The following CEP162 variants were observed in gnomAD, a reference collection of about 807,000 sequenced individuals.
CEP162 encodes centrosomal protein of 162 kDa.
Under a neutral mutation model 169.2 loss-of-function variants are expected in CEP162, and 141 were observed. The observed-to-expected ratio is 0.83, with a 90% confidence interval of 0.73 to 0.96. The LOEUF (loss-of-function observed/expected upper bound fraction) is 0.96. Ranked by LOEUF, CEP162 falls within the 40% of genes least tolerant of loss-of-function variation. The pLI, the probability that CEP162 is intolerant of heterozygous loss-of-function variation, is 0.00. For missense variants in CEP162, 1,600 were observed against 1,587.2 expected, an observed-to-expected ratio of 1.01 and a Z score of -0.14; for synonymous variants, 540 against 526.4, an observed-to-expected ratio of 1.03 and a Z score of -0.35.
rs1401585013 is a variant in CEP162, at chr6:84,226,369, G to T, written c.25C>A (p.Leu9Ile). 1.9e-6 allele frequency: 3 copies of T among 1,568,226 alleles called. No individual in the cohort carries two copies. The highest frequency in any genetic ancestry group is 2.6e-6 in the Non-Finnish European group (3 of 1,153,844). Residue 9 changes from leucine (L) to isoleucine (I), a missense_variant, in exon 2 of 27, where the codon CTA (leucine) becomes ATA (isoleucine). By Grantham distance (5) the Leu-to-Ile change is conservative. Transcript: ENST00000403245. MANCSQEE[L>I]DEEFEQFMKE... Reference sequence around the variant, plus strand: ...ATAAACTGTTCAAACTCTTCATCTAGCTCTTCTTGGGAACAGTTAGCCATA... The same window carrying T: ...ATAAACTGTTCAAACTCTTCATCTATCTCTTCTTGGGAACAGTTAGCCATA...
At chr6:84,164,079 G>A (rs934741171) in intron 18 of CEP162, among the ~76,000 whole-genome samples, 1 of 150,932 alleles carries the variant, frequency 6.6e-6, no homozygotes, top group Non-Finnish European at 1.5e-5. Context: ...ACATTTATGC[G>A]GTCAACAAAC....
intron 2 of CEP162, among the ~76,000 whole-genome samples, chr6:84,225,128 C>G (rs1310631191): frequency 1.3e-5 from 2 of 152,128 alleles, no homozygotes; most frequent in African/African-American, 4.8e-5. Context: ...CTCTTGAATG[C>G]TCTACAAGGC....
chr6:84,219,529 A>C (rs2127754567), intron 3 of CEP162, among the ~76,000 whole-genome samples: 2 of 152,326 alleles, frequency 1.3e-5, no homozygotes, highest in Middle Eastern at 6.8e-3. Flanking sequence ...AATCTTTGTC[A>C]ACAATTCCAA....
intron 13 of CEP162, among the ~76,000 whole-genome samples, chr6:84,180,291 A>G (rs2099534217): frequency 6.6e-6 from 1 of 152,198 alleles, no homozygotes; most frequent in African/African-American, 2.4e-5. Flanking sequence ...ACAAAATTCA[A>G]CAGCCCTTCA....
intron 3 of CEP162, among the ~76,000 whole-genome samples, chr6:84,217,281 G>A (rs2099551938): frequency 6.6e-6 from 1 of 152,180 alleles, no homozygotes; most frequent in Non-Finnish European, 1.5e-5. Context: ...ACAGTTAAGT[G>A]CCAAGATGAA....
chr6:84,148,250 A>T (rs995117649), intron 24 of CEP162, among the ~76,000 whole-genome samples: 3 of 152,130 alleles, frequency 2.0e-5, no homozygotes, highest in Non-Finnish European at 4.4e-5. Flanking sequence ...TACAGACTTC[A>T]TTACATTTTG....
intron 6 of CEP162, among the ~76,000 whole-genome samples, chr6:84,205,116 C>T (rs141010683): frequency 0.026 from 3,974 of 152,204 alleles, 78 homozygotes; most frequent in Non-Finnish European, 0.042. Context: ...CAGGACCAGA[C>T]GGATTCACAG....
At chr6:84,226,992 T>C (rs911462958) in intron 1 of CEP162, among the ~76,000 whole-genome samples, 1 of 152,212 alleles carries the variant, frequency 6.6e-6, no homozygotes, top group Non-Finnish European at 1.5e-5. Context: ...TAAGAATTAG[T>C]AATTTAGTCA....
rs371260765 is a variant in CEP162 at position 84,215,376 on chromosome 6, T to C, written c.409A>G (p.Arg137Gly). Residue 137 changes from arginine (R) to glycine (G), a missense_variant, in exon 5 of 27, where the codon AGG becomes GGG. By Grantham distance (125) the Arg-to-Gly change is moderately radical. Coordinates refer to ENST00000403245, the MANE Select transcript of CEP162 (RefSeq NM_014895.4). ...GAAGATGTCAAGCCTTTCTCAAGCC[T>C]GGCAAAAAATTGTTCTTTCTCCTCT... is the stretch of plus-strand genomic sequence containing the variant. The part of the protein sequence containing the change: ...EQEEKEQFFA[R>G]LEKGLTSSID... The C allele has an allele frequency of 3.7e-5, 59 of 1,608,198 alleles. No individual in the cohort carries two copies. The highest frequency in any genetic ancestry group is 1.7e-4 in the South Asian group (15 of 90,028).
At chr6:84,213,947 C>A (rs2099550564) in intron 5 of CEP162, among the ~76,000 whole-genome samples, 1 of 152,152 alleles carries the variant, frequency 6.6e-6, no homozygotes, top group East Asian at 1.9e-4. Context: ...ACATTTCCGA[C>A]CAAACAAAGA....
intron 9 of CEP162, among the ~76,000 whole-genome samples, chr6:84,199,136 T>G (rs2099543366): frequency 6.6e-6 from 1 of 152,206 alleles, no homozygotes; most frequent in Admixed American, 6.5e-5. Flanking sequence ...CATGTCTGCC[T>G]ACTGAAAACT....
chr6:84,167,085 G>C (rs2099528129), intron 18 of CEP162, among the ~76,000 whole-genome samples: 1 of 152,002 alleles, frequency 6.6e-6, no homozygotes, highest in African/African-American at 2.4e-5. Flanking sequence ...ATGTTGAGTG[G>C]GACTTATTGT....
At chr6:84,151,953 T>C (rs1294107276) in intron 23 of CEP162, among the ~76,000 whole-genome samples, 1 of 151,860 alleles carries the variant, frequency 6.6e-6, no homozygotes, top group Non-Finnish European at 1.5e-5. Context: ...GAAAAACGGG[T>C]GCTAAAAGAC....
intron 2 of CEP162, among the ~76,000 whole-genome samples, chr6:84,222,239 G>C (rs769433802): frequency 1.4e-4 from 22 of 152,092 alleles, no homozygotes; most frequent in Middle Eastern, 3.2e-3. Flanking sequence ...ACCACTGTCA[G>C]TTATCCTCCC....
rs62449306 is a variant in CEP162 at position 84,192,407 on chromosome 6, C to T, written c.1109+1202G>A. Among the ~76,000 whole-genome samples, 381 of 152,244 alleles carry T rather than the reference C, an allele frequency of 2.5e-3. 1 individual carries two copies. The highest frequency in any genetic ancestry group is 0.01 in the Middle Eastern group (3 of 294). On this transcript the variant is annotated intron_variant, in intron 11 of 26. Transcript: ENST00000403245. Reference sequence around the variant, plus strand: ...TGTGTAAGAAAATCTCTGTAGTTACCGCTAACATACTCCCAAACAGCAATG... The same window carrying T: ...TGTGTAAGAAAATCTCTGTAGTTACTGCTAACATACTCCCAAACAGCAATG...
chr6:84,184,849 C>T (rs917337212), intron 13 of CEP162, among the ~76,000 whole-genome samples: 4 of 151,810 alleles, frequency 2.6e-5, no homozygotes, highest in African/African-American at 9.7e-5. Flanking sequence ...GAATAGACAT[C>T]TCAAAACTAT....
intron 25 of CEP162, among the ~76,000 whole-genome samples, chr6:84,138,865 C>A (rs1157631807): frequency 6.6e-6 from 1 of 152,152 alleles, no homozygotes; most frequent in Non-Finnish European, 1.5e-5. Flanking sequence ...ACATCTTAAA[C>A]ACTGAAAAGA....
chr6:84,125,036 T>C lies in CEP162; in HGVS notation c.*34A>G. The C allele has an allele frequency of 6.5e-7, 1 of 1,530,750 alleles. No individual in the cohort carries two copies. The highest frequency in any genetic ancestry group is 9.0e-7 in the Non-Finnish European group (1 of 1,110,958). 94.8% of individuals were successfully genotyped at this position (1,530,750 alleles called of 1,614,324 possible). On this transcript the variant is annotated 3_prime_UTR_variant, in exon 27 of 27. Transcript: ENST00000403245. Reference sequence around the variant, plus strand: ...GCACAATCCCATCCATCTTCAGGCCTTTTAATAAGGTCATTATGAAATCTG... The same window carrying C: ...GCACAATCCCATCCATCTTCAGGCCCTTTAATAAGGTCATTATGAAATCTG...
rs760409005 is a variant in CEP162, at chr6:84,155,306, T to G, written c.2986A>C (p.Lys996Gln). ...SLRTMEQQFQKMKIQYEQRLE... is the reference protein window; with the variant it reads ...SLRTMEQQFQQMKIQYEQRLE... ...GGCTACTTACCACTTACCTTCATTT[T>G]CTGAAACTGTTGTTCCATGGTACGA... Residue 996 changes from lysine to glutamine, a missense_variant, in exon 22 of 27, where the codon AAA becomes CAA. Lys to Gln is a moderately conservative substitution (Grantham distance 53, BLOSUM62 1). Transcript: ENST00000403245. 1.2e-6 allele frequency: 2 copies of G among 1,613,038 alleles called. No individual in the cohort carries two copies. The highest frequency in any genetic ancestry group is 1.7e-6 in the Non-Finnish European group (2 of 1,179,342).
Sources: gnomAD v4.1 joint callset for allele counts (sites outside exome capture counted in the v4.1 genomes callset) on GRCh38, gnomAD v4.1.1 for gene constraint, MANE v1.5 for transcripts, NCBI Gene and HGNC (gene_info 2026-07-23, HGNC 2026-07-21) for gene names.